The following LYN variants were observed in gnomAD, a reference collection of about 807,000 sequenced individuals.
The protein encoded by LYN is LYN proto-oncogene, Src family tyrosine kinase.
In LYN, 12 loss-of-function variants were observed where a neutral mutation model predicts 65.0. That is an observed-to-expected ratio of 0.18 (90% CI 0.12 to 0.30). LYN has a LOEUF of 0.30. Among genes scored for constraint, LYN ranks in the 10% least tolerant of loss-of-function variants. The pLI, the probability that LYN is intolerant of heterozygous loss-of-function variation, is 1.00. For synonymous variants in LYN, 222 were observed against 221.2 expected, an observed-to-expected ratio of 1.00 and a Z score of -0.03; for missense variants, 380 against 623.2, an observed-to-expected ratio of 0.61 and a Z score of 4.16.
intron 1 of LYN, among the ~76,000 whole-genome samples, chr8:55,918,427 A>G (rs1049802810): frequency 2.6e-5 from 4 of 152,250 alleles, no homozygotes; most frequent in African/African-American, 9.6e-5. Context: ...GAGCCGGGAC[A>G]TTTGCATTTT....
chr8:56,009,333 TC>T (rs1808754029), intron 12 of LYN, among the ~76,000 whole-genome samples: 1 of 152,228 alleles, frequency 6.6e-6, no homozygotes, highest in African/African-American at 2.4e-5. Context: ...GCTGTCTTGA[TC>T]CCCTCCATGC....
intron 11 of LYN, among the ~76,000 whole-genome samples, chr8:55,998,720 C>T (rs1808440510): frequency 6.6e-6 from 1 of 152,174 alleles, no homozygotes; most frequent in Non-Finnish European, 1.5e-5. Flanking sequence ...CTTACAAATG[C>T]TATCAGTTGT....
intron 1 of LYN, among the ~76,000 whole-genome samples, chr8:55,906,378 A>T (rs754544360): frequency 3.3e-5 from 5 of 151,788 alleles, no homozygotes; most frequent in Non-Finnish European, 7.4e-5. Context: ...ACAGAGTTTC[A>T]ATCTGTCGCC....
chr8:55,947,472 A>G lies in LYN; in HGVS notation c.179-146A>G, dbSNP rs560685336. The G allele has an allele frequency of 4.3e-5, 28 of 647,478 alleles. No homozygotes were observed. The South Asian group carries it at 4.9e-4, about 11-fold the overall frequency. The allele number at this position is 647,478 out of a possible 1,614,324, so 40.1% of individuals were successfully genotyped here. A position where few individuals can be genotyped will look rare whatever the true frequency, so the allele number is the denominator to read the frequency against. ...AAGGTACTCTCTGTGGGCCGTGCAGACCCTGAGCCCACTAGGCAGGAAGCA... is the reference window on the plus strand; with the variant it reads ...AAGGTACTCTCTGTGGGCCGTGCAGGCCCTGAGCCCACTAGGCAGGAAGCA... On this transcript the variant is annotated intron_variant, in intron 3 of 12. Coordinates refer to ENST00000519728, the MANE Select transcript of LYN (RefSeq NM_002350.4).
rs958754800 is a variant in LYN, at chr8:55,928,342, C to T, written c.-5-13513C>T. ...TGTATTTTTAGTAGAGATGGGGTTT[C>T]ACCATGTTGGCCAGGCTGGTCTCCA... On this transcript the variant is annotated intron_variant, in intron 1 of 12. Transcript: ENST00000519728. Among the ~76,000 whole-genome samples, 11 of 152,170 alleles carry T rather than the reference C, an allele frequency of 7.2e-5. No individual in the cohort carries two copies. In the East Asian group the frequency reaches 1.9e-3, roughly 27 times the overall value.
intron 12 of LYN, among the ~76,000 whole-genome samples, chr8:56,001,066 G>A (rs1808498152): frequency 6.6e-6 from 1 of 152,004 alleles, no homozygotes; most frequent in African/African-American, 2.4e-5. Context: ...AGGGGGTGGG[G>A]AGCTGCTGGT....
intron 1 of LYN, among the ~76,000 whole-genome samples, chr8:55,915,762 A>T (rs367903146): frequency 6.6e-6 from 1 of 152,256 alleles, no homozygotes; most frequent in East Asian, 1.9e-4. Context: ...TATAAAACAT[A>T]TGAAGCAGTG....
chr8:55,922,639 C>G (rs1210763828), intron 1 of LYN, among the ~76,000 whole-genome samples: 2 of 151,990 alleles, frequency 1.3e-5, no homozygotes, highest in African/African-American at 4.8e-5. Context: ...TGGTGGCACA[C>G]GCCTGTAATC....
At chr8:55,935,779 C>CA (rs59848254) in intron 1 of LYN, among the ~76,000 whole-genome samples, 3,632 of 93,608 alleles carry the variant, frequency 0.039, 137 homozygotes, top group East Asian at 0.2. Flanking sequence ...AGACTCCATC[C>CA]AAAAAAAAAA....
At chr8:55,937,040 G>A (rs1281986438) in intron 1 of LYN, among the ~76,000 whole-genome samples, 1 of 152,158 alleles carries the variant, frequency 6.6e-6, no homozygotes, top group Non-Finnish European at 1.5e-5. Flanking sequence ...CTTTAGGTGG[G>A]TGACCAGTTG....
intron 7 of LYN, among the ~76,000 whole-genome samples, chr8:55,952,650 C>T (rs1010978291): frequency 6.6e-5 from 10 of 152,194 alleles, no homozygotes; most frequent in African/African-American, 2.2e-4. Context: ...TCTCCCAGTC[C>T]TTCCCACCTA....
intron 10 of LYN, among the ~76,000 whole-genome samples, chr8:55,974,636 A>G (rs577290597): frequency 6.6e-6 from 1 of 152,252 alleles, no homozygotes; most frequent in East Asian, 1.9e-4. Context: ...TAGAGGGGGA[A>G]GTTCTTGGGA....
chr8:56,004,445 C>A (rs537752298), intron 12 of LYN, among the ~76,000 whole-genome samples: 121 of 151,844 alleles, frequency 8.0e-4, no homozygotes, highest in African/African-American at 2.8e-3. Flanking sequence ...AGGTGTGCAC[C>A]ACAATGCCCA....
chr8:55,954,136 A>G, intron 8 of LYN, 152 bp downstream of exon 8: 1 of 768,714 alleles, frequency 1.3e-6, no homozygotes, highest in South Asian at 1.9e-5. Flanking sequence ...GGGGCTGAGA[A>G]CTGGCCTGCA....
At chr8:56,005,637 G>A (rs1808652020) in intron 12 of LYN, among the ~76,000 whole-genome samples, 1 of 152,226 alleles carries the variant, frequency 6.6e-6, no homozygotes, top group South Asian at 2.1e-4. Context: ...CATCATCAGA[G>A]ATGGAGTTTA....
rs147063313 is a variant in LYN at position 55,963,187 on chromosome 8, T to A, written c.791-3528T>A. Among the ~76,000 whole-genome samples, 646 of 152,340 alleles carry A rather than the reference T, an allele frequency of 4.2e-3. 3 individuals carry two copies. Among genetic ancestry groups the A allele is most frequent in the African/African-American group, 0.014 (601 of 41,580 alleles). On this transcript the variant is annotated intron_variant, in intron 8 of 12. Transcript: ENST00000519728. ...ATGCGCTGCACATTTTTGTGCCTCA[T>A]TTTTGTGCTGATGCAAGCATGCATG...
rs191523336 is a variant in LYN, at chr8:55,907,758, A to G, written c.-6+27655A>G. On this transcript the variant is annotated intron_variant, in intron 1 of 12. Coordinates refer to ENST00000519728, the MANE Select transcript of LYN (RefSeq NM_002350.4). Reference sequence around the variant, plus strand: ...GTGCACGCCTGTGGTCCCAGCTACTAGGGAGGCTGAGGTGGGAGGATTGCT... The same window carrying G: ...GTGCACGCCTGTGGTCCCAGCTACTGGGGAGGCTGAGGTGGGAGGATTGCT... 4.7e-3 allele frequency among the ~76,000 whole-genome samples: 721 copies of G among 152,154 alleles called. 7 individuals are homozygous for G. Among genetic ancestry groups the G allele is most frequent in the African/African-American group, 0.016 (667 of 41,522 alleles).
chr8:55,881,280 A>G (rs1804646142), intron 1 of LYN, among the ~76,000 whole-genome samples: 1 of 152,186 alleles, frequency 6.6e-6, no homozygotes, highest in Admixed American at 6.5e-5. Context: ...TGCTTAATAA[A>G]TACATGAGGG....
intron 1 of LYN, among the ~76,000 whole-genome samples, chr8:55,920,984 A>G (rs1475719906): frequency 6.6e-6 from 1 of 152,112 alleles, no homozygotes; most frequent in East Asian, 1.9e-4. Context: ...GGCGTGAACC[A>G]CCGCACCCAG....
Sources: allele counts gnomAD v4.1 joint callset (sites outside exome capture counted in the v4.1 genomes callset), GRCh38; gene constraint gnomAD v4.1.1; transcripts MANE v1.5; gene names NCBI Gene and HGNC (gene_info 2026-07-23, HGNC 2026-07-21).